The following RAB27B variants were observed in gnomAD, a reference collection of about 807,000 sequenced individuals.
RAB27B encodes RAB27B, member RAS oncogene family.
A neutral mutation model predicts 24.6 loss-of-function variants in RAB27B; 15 were observed. The ratio of observed to expected loss-of-function variants is 0.61; its 90% CI spans 0.41 to 0.94. RAB27B has a LOEUF of 0.94. RAB27B is among the 40% of genes least tolerant of loss of function. The probability of loss-of-function intolerance (pLI) is 0.00; values close to 1 mark genes in which losing one functional copy is unlikely to be tolerated. For synonymous variants in RAB27B, 105 were observed against 92.5 expected (o/e 1.14, Z -0.78); for missense variants, 261 against 266.8 (o/e 0.98, Z 0.15).
intron 1 of RAB27B, among the ~76,000 whole-genome samples, chr18:54,830,114 T>C (rs1910618022): frequency 6.6e-6 from 1 of 152,184 alleles, no homozygotes; most frequent in Non-Finnish European, 1.5e-5. Flanking sequence ...CAAACCACAG[T>C]TCCCCTTTCT....
chr18:54,782,235 T>C (rs1438379754), intron 2 of RAB27B, among the ~76,000 whole-genome samples: 1 of 152,218 alleles, frequency 6.6e-6, no homozygotes, highest in East Asian at 1.9e-4. Context: ...AGAATAGTAA[T>C]ATAAAGCCAA....
At chr18:54,808,409 C>T (rs1040542682) in intron 2 of RAB27B, among the ~76,000 whole-genome samples, 1 of 152,172 alleles carries the variant, frequency 6.6e-6, no homozygotes, top group Non-Finnish European at 1.5e-5. Context: ...CACTTATGCA[C>T]ATATTTCTTT....
intron 2 of RAB27B, among the ~76,000 whole-genome samples, chr18:54,802,110 TG>T (rs1204047406): frequency 6.6e-6 from 1 of 152,220 alleles, no homozygotes; most frequent in Non-Finnish European, 1.5e-5. Flanking sequence ...AGGAGTAAAG[TG>T]AGGGATCAAA....
chr18:54,766,070 G>T (rs775773349), intron 2 of RAB27B, among the ~76,000 whole-genome samples: 2 of 152,216 alleles, frequency 1.3e-5, no homozygotes, highest in African/African-American at 2.4e-5. Flanking sequence ...TAGAATGAAT[G>T]GTCAACAATC....
At chr18:54,853,501 C>T (rs1911666088) in intron 1 of RAB27B, among the ~76,000 whole-genome samples, 1 of 152,042 alleles carries the variant, frequency 6.6e-6, no homozygotes, top group South Asian at 2.1e-4. Context: ...TGGGTCTTGG[C>T]CCAGAATTCA....
At chr18:54,722,300 T>C (rs541851029) in intron 2 of RAB27B, among the ~76,000 whole-genome samples, 2 of 152,236 alleles carry the variant, frequency 1.3e-5, no homozygotes, top group Non-Finnish European at 2.9e-5. Flanking sequence ...CCGAATCTTC[T>C]AAAGAGCAAG....
intron 2 of RAB27B, among the ~76,000 whole-genome samples, chr18:54,728,955 A>G (rs1403780854): frequency 7.1e-6 from 1 of 141,636 alleles, no homozygotes; most frequent in Non-Finnish European, 1.5e-5. Flanking sequence ...CTACAAATTC[A>G]GGAATTTTTG....
At chr18:54,736,861 G>A (rs1320882847) in intron 2 of RAB27B, among the ~76,000 whole-genome samples, 1 of 152,060 alleles carries the variant, frequency 6.6e-6, no homozygotes, top group African/African-American at 2.4e-5. Context: ...CGTATGTAAT[G>A]GCAAAGTTTG....
At chr18:54,760,744 T>A (rs1274376266) in intron 2 of RAB27B, among the ~76,000 whole-genome samples, 1 of 152,094 alleles carries the variant, frequency 6.6e-6, no homozygotes, top group Non-Finnish European at 1.5e-5. Flanking sequence ...GTGGGCAGGA[T>A]GGCAATTCTC....
chr18:54,835,482 C>T (rs1446490116), intron 1 of RAB27B, among the ~76,000 whole-genome samples: 3 of 151,918 alleles, frequency 2.0e-5, no homozygotes. Flanking sequence ...GTTTGTAATA[C>T]CTATTCTCAA....
chr18:54,866,805 TG>T (rs1205100910), intron 1 of RAB27B, among the ~76,000 whole-genome samples: 1 of 152,176 alleles, frequency 6.6e-6, no homozygotes, highest in African/African-American at 2.4e-5. Flanking sequence ...CTCGGTGTCC[TG>T]GAGAAAACCC....
chr18:54,844,232 G>C (rs1449522533), intron 1 of RAB27B, among the ~76,000 whole-genome samples: 1 of 152,090 alleles, frequency 6.6e-6, no homozygotes, highest in Non-Finnish European at 1.5e-5. Flanking sequence ...AAGGAGGTCT[G>C]TGGTGCAAAT....
In RAB27B at chr18:54,733,653, C is replaced by CG. The variant is rs1555651342; in HGVS notation, c.-20+15512_-20+15513insG. The stretch of plus-strand genomic sequence containing the variant: ...AGGTGAAATCTTCTGTTCTAGAGCC[C>CG]CCCCCCCCCAAATTTGCTAAGCTCC... On this transcript the variant is annotated intron_variant, in intron 2 of 4. Transcript: ENST00000586570. Among the ~76,000 whole-genome samples the CG allele has an allele frequency of 1.6e-5, 2 of 122,512 alleles. 1 individual carries two copies. Among genetic ancestry groups the CG allele is most frequent in the Non-Finnish European group, 3.5e-5 (2 of 56,656 alleles). The allele number at this position is 122,512 out of a possible 152,430, so 80.4% of individuals were successfully genotyped here. A position where few individuals can be genotyped will look rare whatever the true frequency, so the allele number is the denominator to read the frequency against.
intron 2 of RAB27B, among the ~76,000 whole-genome samples, chr18:54,804,030 T>C (rs1300240205): frequency 1.3e-5 from 2 of 152,190 alleles, no homozygotes; most frequent in Non-Finnish European, 2.9e-5. Context: ...GATTGGTGTC[T>C]TATGGGGCTC....
chr18:54,768,764 A>G (rs966966525), intron 2 of RAB27B, among the ~76,000 whole-genome samples: 2 of 152,170 alleles, frequency 1.3e-5, no homozygotes, highest in African/African-American at 4.8e-5. Flanking sequence ...GGGTACCAGG[A>G]CGAAGTGAGT....
At chr18:54,844,375 CTTCT>C (rs369342894) in intron 1 of RAB27B, among the ~76,000 whole-genome samples, 6,033 of 144,856 alleles carry the variant, frequency 0.042, 186 homozygotes, top group Middle Eastern at 0.084. Flanking sequence ...ACTTTTATCT[CTTCT>C]TTCTTTCTTT....
intron 2 of RAB27B, among the ~76,000 whole-genome samples, chr18:54,760,790 C>T (rs1409204158): frequency 6.6e-6 from 1 of 152,056 alleles, no homozygotes; most frequent in East Asian, 1.9e-4. Context: ...ATGAGGATGC[C>T]ATGTTTGGTG....
intron 2 of RAB27B, among the ~76,000 whole-genome samples, chr18:54,818,674 T>C (rs1237799422): frequency 2.0e-5 from 3 of 152,096 alleles, no homozygotes; most frequent in Non-Finnish European, 4.4e-5. Context: ...ACTTTTACAG[T>C]GGGATCCCAC....
At chr18:54,772,123 G>T (rs1257792452) in intron 2 of RAB27B, among the ~76,000 whole-genome samples, 1 of 152,158 alleles carries the variant, frequency 6.6e-6, no homozygotes, top group Non-Finnish European at 1.5e-5. Flanking sequence ...TAGGGAATGT[G>T]TCTCGTCACC....
Sources: allele counts gnomAD v4.1 joint callset (sites outside exome capture counted in the v4.1 genomes callset), GRCh38; gene constraint gnomAD v4.1.1; transcripts MANE v1.5; gene names NCBI Gene and HGNC (gene_info 2026-07-23, HGNC 2026-07-21).